Variants in RALY observed in about 807,000 individuals in gnomAD.
RALY encodes RALY heterogeneous nuclear ribonucleoprotein.
In RALY, 15 loss-of-function variants were observed where a neutral mutation model predicts 30.7. The observed-to-expected ratio is 0.49, with a 90% CI of 0.33 to 0.75. The LOEUF (loss-of-function observed/expected upper bound fraction) is 0.75. Among genes scored for constraint, RALY ranks in the 30% least tolerant of loss-of-function variants. The pLI is 0.02. For synonymous variants in RALY, 177 were observed against 170.8 expected, an observed-to-expected ratio of 1.04 and a Z score of -0.28; for missense variants, 339 against 414.3, an observed-to-expected ratio of 0.82 and a Z score of 1.58.
chr20:34,051,994 T>C (rs2033094162), intron 2 of RALY, among the ~76,000 whole-genome samples: 1 of 152,196 alleles, frequency 6.6e-6, no homozygotes, highest in African/African-American at 2.4e-5. Flanking sequence ...TTAAGAGAAC[T>C]GGATAAGAAG....
In RALY at chr20:34,076,136, CAA is replaced by C. The variant is rs2033870875; in HGVS notation, c.544+97_544+98del. The C allele has an allele frequency of 2.6e-5, 36 of 1,393,562 alleles. 1 individual carries two copies. The South Asian group carries it at 4.8e-4, about 18-fold the overall frequency. 86.3% of individuals were successfully genotyped at this position (1,393,562 alleles called of 1,614,324 possible). A position where few individuals can be genotyped will look rare whatever the true frequency, so the allele number is the denominator to read the frequency against. Reference sequence around the variant, plus strand: ...TTACATTGGAACATAGATAAAACAACAAGTCTTCCACAGTTCTGCTGCTCTAA... The same window carrying C: ...TTACATTGGAACATAGATAAAACAACGTCTTCCACAGTTCTGCTGCTCTAA... On this transcript the variant is annotated intron_variant, in intron 6 of 9. Coordinates refer to ENST00000246194, the MANE Select transcript of RALY (RefSeq NM_016732.3).
rs1474722074 is a variant in RALY at position 34,072,092 on chromosome 20, G to A, written c.18G>A (p.Gln6=). Residue 6 remains glutamine (Q), a synonymous_variant, in exon 3 of 10, where the codon CAG becomes CAA. Coordinates refer to ENST00000246194, the MANE Select transcript of RALY (RefSeq NM_016732.3). ...TGGGCACCATGTCCTTGAAGCTTCA[G>A]GCAAGCAATGTAACCAACAAGAATG... MSLKL[Q]ASNVTNKNDP... 2 of 1,614,184 alleles carry A rather than the reference G, an allele frequency of 1.2e-6. No individual in the cohort carries two copies. The highest frequency in any genetic ancestry group is 1.7e-6 in the Non-Finnish European group (2 of 1,180,012).
chr20:34,000,394 G>C (rs2030859022), intron 1 of RALY, among the ~76,000 whole-genome samples: 2 of 152,122 alleles, frequency 1.3e-5, no homozygotes, highest in South Asian at 4.1e-4. Context: ...ACAGAAAAAG[G>C]GTTGGAGGTC....
At chr20:34,002,186 G>A (rs1041381686) in intron 1 of RALY, among the ~76,000 whole-genome samples, 1 of 152,178 alleles carries the variant, frequency 6.6e-6, no homozygotes, top group Non-Finnish European at 1.5e-5. Flanking sequence ...AGGGCTGTGC[G>A]TGAATCAGTT....
intron 1 of RALY, among the ~76,000 whole-genome samples, chr20:33,998,257 A>G (rs767631802): frequency 6.6e-6 from 1 of 152,220 alleles, no homozygotes; most frequent in Non-Finnish European, 1.5e-5. Context: ...CAGAAAAATG[A>G]TGCCTAACCC....
chr20:34,039,113 T>G (rs960661904), intron 2 of RALY, among the ~76,000 whole-genome samples: 1 of 152,134 alleles, frequency 6.6e-6, no homozygotes, highest in African/African-American at 2.4e-5. Flanking sequence ...CCAAGGAGAT[T>G]AAAGAGTCAA....
rs765880578 is a variant in RALY, at chr20:34,076,688, C to A, written c.545-14C>A. ...GCCCCCTAGGTGACAGCCCTGTCCC[C>A]CCTCCACTCCCAGTAAAGAGCAGTG... On this transcript the variant is annotated splice_polypyrimidine_tract_variant and intron_variant, in intron 6 of 9. Coordinates refer to ENST00000246194, the MANE Select transcript of RALY (RefSeq NM_016732.3). 1 of 1,611,870 alleles carries A rather than the reference C, an allele frequency of 6.2e-7. No individual in the cohort carries two copies. Among genetic ancestry groups the A allele is most frequent in the Middle Eastern group, 1.7e-4 (1 of 6,050 alleles).
In RALY at chr20:34,076,782, G is replaced by T; in HGVS notation, c.625G>T (p.Glu209Ter). Reference protein sequence around the residue: ...SNIDALLSRLEQIAAEQKANP... With the variant: ...SNIDALLSRL ...TATCGATGCCCTGCTGAGCCGCTTG[G>T]AGCAGATCGCTGCGGAGCAAAAGGC... Residue 209 changes from glutamate (E) to a stop codon, truncating the protein, a stop_gained, in exon 7 of 10, where the codon GAG becomes TAG. Coordinates refer to ENST00000246194, the MANE Select transcript of RALY (RefSeq NM_016732.3). LOFTEE classifies it high-confidence loss of function. The T allele has an allele frequency of 6.2e-7, 1 of 1,614,148 alleles. No individual in the cohort carries two copies. The highest frequency in any genetic ancestry group is 8.5e-7 in the Non-Finnish European group (1 of 1,180,032).
chr20:34,043,582 T>C (rs2268084), intron 2 of RALY, among the ~76,000 whole-genome samples: 64,704 of 152,082 alleles, frequency 0.43, 16,449 homozygotes, highest in South Asian at 0.64. Flanking sequence ...TAGAATGATA[T>C]TTGAGGTTCT....
chr20:34,027,184 A>G (rs143581692), intron 1 of RALY, among the ~76,000 whole-genome samples: 1 of 152,096 alleles, frequency 6.6e-6, no homozygotes, highest in Admixed American at 6.5e-5. Context: ...GTCTTCTTTC[A>G]TGTTGCTGTG....
chr20:34,065,469 G>A (rs539017785), intron 2 of RALY, among the ~76,000 whole-genome samples: 15 of 152,336 alleles, frequency 9.8e-5, no homozygotes, highest in Admixed American at 9.8e-4. Context: ...TGTTTGACAT[G>A]CAGGGAGCTG....
intron 2 of RALY, among the ~76,000 whole-genome samples, chr20:34,041,447 A>T (rs539575788): frequency 6.6e-6 from 1 of 152,356 alleles, no homozygotes; most frequent in African/African-American, 2.4e-5. Flanking sequence ...CCAAATCTTT[A>T]GTCTTGATAA....
chr20:34,017,049 A>G (rs2031633867), intron 1 of RALY, among the ~76,000 whole-genome samples: 1 of 34,626 alleles, frequency 2.9e-5, no homozygotes, highest in Non-Finnish European at 5.2e-5. Context: ...GGGGACCAGC[A>G]GGCAGGGCTA....
intron 2 of RALY, among the ~76,000 whole-genome samples, chr20:34,048,951 G>T (rs989211040): frequency 6.6e-6 from 1 of 151,612 alleles, no homozygotes; most frequent in Admixed American, 6.6e-5. Context: ...AACACATTCT[G>T]TGTGCCAGGA....
intron 2 of RALY, among the ~76,000 whole-genome samples, chr20:34,037,033 G>T (rs1285055351): frequency 6.6e-6 from 1 of 151,962 alleles, no homozygotes; most frequent in Non-Finnish European, 1.5e-5. Flanking sequence ...TTCGTTCATT[G>T]ATTTTTGAGG....
intron 2 of RALY, among the ~76,000 whole-genome samples, chr20:34,050,291 G>C (rs1026328305): frequency 2.0e-5 from 3 of 152,130 alleles, no homozygotes; most frequent in Non-Finnish European, 4.4e-5. Context: ...GATTCAGTTC[G>C]GTTCAAACAA....
At chr20:34,073,690 A>G in intron 4 of RALY, 55 bp downstream of exon 4, 1 of 1,542,088 alleles carries the variant, frequency 6.5e-7, no homozygotes, top group Non-Finnish European at 9.0e-7. Flanking sequence ...CTTTCCACAG[A>G]GGGAGTAAAT....
At position 34,077,272 on chromosome 20, in the gene RALY, G is replaced by A. The variant is rs781675217; in HGVS notation, c.876+27G>A. ...TGAGGGCCTGGCCAGGGGCACGACT[G>A]GGACTCGACTGTGCTCCTACTCTCA... On this transcript the variant is annotated intron_variant, in intron 8 of 9. Transcript: ENST00000246194. The A allele has an allele frequency of 5.0e-6, 8 of 1,612,414 alleles. No homozygotes were observed. In the South Asian group the frequency reaches 7.7e-5, roughly 16 times the overall value.
intron 1 of RALY, chr20:34,016,738 A>G (rs2031621435): frequency 6.6e-6 from 1 of 152,282 alleles, no homozygotes; most frequent in Non-Finnish European, 1.5e-5. Flanking sequence ...ATGCTGCTTT[A>G]TGATGAGTTT....
Sources: allele counts gnomAD v4.1 joint callset (sites outside exome capture counted in the v4.1 genomes callset), GRCh38; gene constraint gnomAD v4.1.1; transcripts MANE v1.5; gene names NCBI Gene and HGNC (gene_info 2026-07-23, HGNC 2026-07-21).